Variants in PTCHD4 observed in about 807,000 individuals in gnomAD.
PTCHD4 encodes the protein patched domain containing 4, also known as patched domain-containing protein 4.
A neutral mutation model predicts 58.1 loss-of-function variants in PTCHD4; 33 were observed. The ratio of observed to expected loss-of-function variants is 0.57; its 90% CI spans 0.43 to 0.76. The LOEUF is 0.76. Ranked by LOEUF, PTCHD4 falls within the 30% of genes least tolerant of loss-of-function variation. The probability of loss-of-function intolerance (pLI) is 0.00; values close to 1 mark genes in which losing one functional copy is unlikely to be tolerated. For missense variants in PTCHD4, 1,058 were observed against 1,027.1 expected (o/e 1.03, Z -0.41); for synonymous variants, 478 against 409.6 (o/e 1.17, Z -2.02).
chr6:48,080,475 TG>T (rs1348305246), intron 1 of PTCHD4, among the ~76,000 whole-genome samples: 1 of 152,230 alleles, frequency 6.6e-6, no homozygotes, highest in African/African-American at 2.4e-5. Flanking sequence ...GCTGAGCAGC[TG>T]TAAAATTTAG....
At chr6:47,894,301 G>A (rs146815436) in intron 4 of PTCHD4, among the ~76,000 whole-genome samples, 3 of 152,302 alleles carry the variant, frequency 2.0e-5, no homozygotes, top group East Asian at 1.9e-4. Context: ...ATAAACAGAA[G>A]TTCTTTCAAA....
chr6:47,902,264 T>G (rs1764733428), intron 4 of PTCHD4, among the ~76,000 whole-genome samples: 1 of 152,156 alleles, frequency 6.6e-6, no homozygotes, highest in South Asian at 2.1e-4. Flanking sequence ...ATGCTCTGGG[T>G]TTTGAGGAAT....
chr6:47,987,368 T>G (rs551917324), intron 4 of PTCHD4, among the ~76,000 whole-genome samples: 420 of 149,646 alleles, frequency 2.8e-3, no homozygotes, highest in African/African-American at 9.9e-3. Flanking sequence ...GTAACAAACC[T>G]GCATGTTGTG....
intron 4 of PTCHD4, among the ~76,000 whole-genome samples, chr6:47,964,853 T>G (rs1014640361): frequency 6.6e-6 from 1 of 152,206 alleles, no homozygotes; most frequent in African/African-American, 2.4e-5. Flanking sequence ...CAGTAAAGTT[T>G]AGTTGAAATA....
intron 3 of PTCHD4, among the ~76,000 whole-genome samples, chr6:48,024,746 T>C (rs1381581858): frequency 6.6e-6 from 1 of 152,136 alleles, no homozygotes; most frequent in Non-Finnish European, 1.5e-5. Context: ...TTTGTGGCGT[T>C]CTCTGCAGGC....
intron 3 of PTCHD4, among the ~76,000 whole-genome samples, chr6:48,030,849 A>G (rs984865441): frequency 6.6e-5 from 10 of 152,026 alleles, no homozygotes; most frequent in African/African-American, 2.2e-4. Flanking sequence ...GTTTTTCTTT[A>G]TTTTCATAGA....
intron 4 of PTCHD4, among the ~76,000 whole-genome samples, chr6:47,933,471 T>C (rs561855331): frequency 6.9e-4 from 105 of 152,344 alleles, no homozygotes; most frequent in African/African-American, 2.4e-3. Flanking sequence ...TCTAAATAAA[T>C]TTCAAAGTGA....
At chr6:47,993,614 C>T (rs1768363411) in intron 4 of PTCHD4, among the ~76,000 whole-genome samples, 2 of 152,240 alleles carry the variant, frequency 1.3e-5, no homozygotes, top group South Asian at 4.1e-4. Context: ...GCAGACTGCT[C>T]CTAAGTCTGC....
intron 1 of PTCHD4, among the ~76,000 whole-genome samples, chr6:48,079,970 A>ATGATTTTTTTTTTTTT (rs1765132116): frequency 1.3e-5 from 1 of 76,084 alleles, no homozygotes; most frequent in Non-Finnish European, 2.7e-5. Context: ...CCTTATGATG[A>ATGATTTTTTTTTTTTT]TTTTTTTTTT....
chr6:48,009,153 T>C, intron 3 of PTCHD4, 39 bp from the exon 4 acceptor site: 1 of 1,551,340 alleles, frequency 6.4e-7, no homozygotes, highest in Admixed American at 1.9e-5. Flanking sequence ...GTTACGGATG[T>C]ATATTCCAGG....
intron 1 of PTCHD4, among the ~76,000 whole-genome samples, chr6:48,090,621 G>A (rs1457039718): frequency 1.3e-5 from 2 of 152,068 alleles, no homozygotes; most frequent in East Asian, 1.9e-4. Flanking sequence ...ACTGTTTCAC[G>A]AGAAAACCAG....
At chr6:47,917,941 C>A (rs1765311087) in intron 4 of PTCHD4, among the ~76,000 whole-genome samples, 1 of 152,132 alleles carries the variant, frequency 6.6e-6, no homozygotes, top group African/African-American at 2.4e-5. Context: ...CGTCAAACTT[C>A]AGTTGCTGAA....
At chr6:47,983,660 G>C (rs1230892041) in intron 4 of PTCHD4, among the ~76,000 whole-genome samples, 3 of 152,032 alleles carry the variant, frequency 2.0e-5, no homozygotes, top group African/African-American at 7.2e-5. Context: ...TAACATACTT[G>C]GGGAGAATAA....
chr6:48,008,467 T>C (rs965838133), intron 4 of PTCHD4, among the ~76,000 whole-genome samples, 167 bp downstream of exon 4: 1 of 152,174 alleles, frequency 6.6e-6, no homozygotes, highest in Non-Finnish European at 1.5e-5. Flanking sequence ...CATAATTTCC[T>C]GAAAGGCCCA....
chr6:47,939,533 T>C (rs1766130723), intron 4 of PTCHD4, among the ~76,000 whole-genome samples: 1 of 152,088 alleles, frequency 6.6e-6, no homozygotes, highest in Non-Finnish European at 1.5e-5. Flanking sequence ...GTGATTATAA[T>C]GCAATGAAAA....
Position 47,879,624 on chromosome 6 carries a change from C to T in PTCHD4, c.1211G>A (p.Cys404Tyr). The T allele has an allele frequency of 1.2e-6, 2 of 1,613,684 alleles. No homozygotes were observed. The highest frequency in any genetic ancestry group is 8.5e-7 in the Non-Finnish European group (1 of 1,179,754). ...EQNRYHSIFCCKIPSAEYLDR... is the reference protein window; with the variant it reads ...EQNRYHSIFCYKIPSAEYLDR... ...CAGGTATTCTGCAGAAGGGATCTTACAGCAAAAGATGCTGTGGTAGCGGTT... is the reference window on the plus strand; with the variant it reads ...CAGGTATTCTGCAGAAGGGATCTTATAGCAAAAGATGCTGTGGTAGCGGTT... Residue 404 changes from cysteine to tyrosine, a missense_variant, in exon 5 of 5, where the codon TGT becomes TAT. Transcript: ENST00000339488.
chr6:47,898,555 A>G (rs914889794), intron 4 of PTCHD4, among the ~76,000 whole-genome samples: 1 of 152,216 alleles, frequency 6.6e-6, no homozygotes, highest in African/African-American at 2.4e-5. Flanking sequence ...TTCAGCAACA[A>G]TTAAATGTTT....
chr6:48,089,755 T>G (rs1765329286), intron 1 of PTCHD4, among the ~76,000 whole-genome samples: 1 of 152,224 alleles, frequency 6.6e-6, no homozygotes, highest in Non-Finnish European at 1.5e-5. Context: ...CAATTGCATT[T>G]GAAATTCTTA....
chr6:48,036,251 G>A (rs570913900), intron 3 of PTCHD4, among the ~76,000 whole-genome samples: 1 of 152,144 alleles, frequency 6.6e-6, no homozygotes, highest in East Asian at 1.9e-4. Context: ...ACAAAGAGTT[G>A]ATGTTACCAA....
Sources: gnomAD v4.1 joint callset for allele counts (sites outside exome capture counted in the v4.1 genomes callset) on GRCh38, gnomAD v4.1.1 for gene constraint, MANE v1.5 for transcripts, NCBI Gene and HGNC (gene_info 2026-07-23, HGNC 2026-07-21) for gene names.